Variants in EIF4G3 observed in about 807,000 individuals in gnomAD.
EIF4G3 encodes the protein eukaryotic translation initiation factor 4 gamma 3.
EIF4G3 carries 34 observed loss-of-function variants against 186.4 expected under a neutral mutation model. That is an observed-to-expected ratio of 0.18 (90% CI 0.14 to 0.24). The LOEUF (loss-of-function observed/expected upper bound fraction) is 0.24, where lower values mean the gene tolerates loss of function less well. Among genes scored for constraint, EIF4G3 ranks in the 10% least tolerant of loss-of-function variants. The probability of loss-of-function intolerance (pLI) is 1.00; values close to 1 mark genes in which losing one functional copy is unlikely to be tolerated. For synonymous variants in EIF4G3, 673 were observed against 679.5 expected, an observed-to-expected ratio of 0.99 and a Z score of 0.15; for missense variants, 1,536 against 1,948.5, an observed-to-expected ratio of 0.79 and a Z score of 3.99.
chr1:21,102,144 T>A (rs1459987889), intron 2 of EIF4G3, among the ~76,000 whole-genome samples: 1 of 151,954 alleles, frequency 6.6e-6, no homozygotes, highest in Non-Finnish European at 1.5e-5. Context: ...AAAAAGGAAA[T>A]AGTTTTAAAA....
intron 4 of EIF4G3, among the ~76,000 whole-genome samples, chr1:21,009,378 C>A (rs1011431294): frequency 6.6e-6 from 1 of 152,022 alleles, no homozygotes; most frequent in African/African-American, 2.4e-5. Flanking sequence ...TAGGGTCTTG[C>A]CAATGTTGCC....
intron 14 of EIF4G3, chr1:20,929,612 T>C (rs1172522400): frequency 6.6e-6 from 1 of 152,228 alleles, no homozygotes; most frequent in Non-Finnish European, 1.5e-5. Context: ...GAATTATCAA[T>C]ATTATTTAAC....
intron 3 of EIF4G3, among the ~76,000 whole-genome samples, chr1:21,082,689 G>C (rs1557871662): frequency 6.6e-6 from 1 of 152,076 alleles, no homozygotes. Context: ...ATCAATTGAA[G>C]CCAGGAGTTT....
In EIF4G3 at chr1:20,829,147, A is replaced by G. The variant is rs1385375031; in HGVS notation, c.4187T>C (p.Ile1396Thr). The G allele has an allele frequency of 1.9e-6, 3 of 1,613,052 alleles. No individual in the cohort carries two copies. Among genetic ancestry groups the G allele is most frequent in the Admixed American group, 1.7e-5 (1 of 59,834 alleles). Residue 1396 changes from isoleucine (I) to threonine (T), a missense_variant and splice_region_variant, in exon 31 of 37, where the codon ATA becomes ACA. Transcript: ENST00000602326. Reference sequence around the variant, plus strand: ...ATCAAGAGAAACAAGTATAACTTACATGGTAAGTTCTCTCATGGAGATTCC... The same window carrying G: ...ATCAAGAGAAACAAGTATAACTTACGTGGTAAGTTCTCTCATGGAGATTCC... ...EGGISMRELT[I>T]EFSKPLLPVG...
At chr1:21,176,153 G>A in intron 2 of EIF4G3, 22 bp downstream of exon 2, 1 of 386,240 alleles carries the variant, frequency 2.6e-6, no homozygotes, top group Admixed American at 4.6e-5. Flanking sequence ...CCGAAGGGCC[G>A]ACAGGAAGGT....
At chr1:21,147,321 G>T (rs939628246) in intron 2 of EIF4G3, among the ~76,000 whole-genome samples, 1 of 151,938 alleles carries the variant, frequency 6.6e-6, no homozygotes, top group Non-Finnish European at 1.5e-5. Flanking sequence ...GCACTGTTTT[G>T]CTAAGTTTGT....
chr1:20,830,081 T>C lies in EIF4G3; in HGVS notation c.4062-809A>G, dbSNP rs551892330. 1.8e-4 allele frequency among the ~76,000 whole-genome samples: 28 copies of C among 152,290 alleles called. No individual in the cohort carries two copies. In the South Asian group the frequency reaches 5.8e-3, roughly 32 times the overall value. On this transcript the variant is annotated intron_variant, in intron 30 of 36. Coordinates refer to ENST00000602326, the MANE Select transcript of EIF4G3 (RefSeq NM_001391906.1). ...CAAATGAATTTAACTACAGGAGACA[T>C]ACACATAATTGCAAGTCATAAGGAA... is the stretch of plus-strand genomic sequence containing the variant.
chr1:20,989,338 C>T (rs2080444926), intron 7 of EIF4G3, among the ~76,000 whole-genome samples: 1 of 150,796 alleles, frequency 6.6e-6, no homozygotes, highest in African/African-American at 2.4e-5. Flanking sequence ...GGTGGATCAC[C>T]TGAGGTCCCG....
At chr1:21,079,184 A>T (rs1300949122) in intron 3 of EIF4G3, among the ~76,000 whole-genome samples, 1 of 152,178 alleles carries the variant, frequency 6.6e-6, no homozygotes, top group Admixed American at 6.5e-5. Context: ...TGCCTAAAGA[A>T]TATTGATCAA....
intron 2 of EIF4G3, among the ~76,000 whole-genome samples, chr1:21,126,365 T>C (rs1219714058): frequency 6.6e-6 from 1 of 152,072 alleles, no homozygotes; most frequent in Non-Finnish European, 1.5e-5. Flanking sequence ...GTATTGATTC[T>C]TAAGCTTAAG....
At chr1:20,860,270 C>A in intron 24 of EIF4G3, 115 bp downstream of exon 24, 1 of 1,398,740 alleles carries the variant, frequency 7.1e-7, no homozygotes, top group Non-Finnish European at 9.8e-7. Context: ...TAACAATCAC[C>A]ACTCTATTCT....
At chr1:20,947,505 T>C (rs779786672) in intron 13 of EIF4G3, among the ~76,000 whole-genome samples, 8 of 147,180 alleles carry the variant, frequency 5.4e-5, no homozygotes, top group Non-Finnish European at 8.9e-5. Context: ...TGGAAGAAAT[T>C]AGAAATGTTA....
intron 30 of EIF4G3, among the ~76,000 whole-genome samples, chr1:20,830,609 G>C (rs1034862305): frequency 3.3e-5 from 5 of 152,260 alleles, no homozygotes; most frequent in Middle Eastern, 6.8e-3. Context: ...GCTGTTTAAT[G>C]GGCCCAAGAG....
At chr1:21,048,934 A>G (rs956642208) in intron 4 of EIF4G3, among the ~76,000 whole-genome samples, 2 of 152,180 alleles carry the variant, frequency 1.3e-5, no homozygotes, top group Non-Finnish European at 2.9e-5. Context: ...GTGCCACCTT[A>G]ACCGACTACA....
chr1:21,068,700 C>G (rs992078028), intron 3 of EIF4G3, among the ~76,000 whole-genome samples: 2 of 152,106 alleles, frequency 1.3e-5, no homozygotes, highest in Non-Finnish European at 2.9e-5. Context: ...CTACCTCATA[C>G]AGTTGTCATA....
At chr1:20,881,847 C>T (rs2082411502) in intron 19 of EIF4G3, among the ~76,000 whole-genome samples, 1 of 151,276 alleles carries the variant, frequency 6.6e-6, no homozygotes, top group African/African-American at 2.4e-5. Flanking sequence ...AAAACAACTG[C>T]TCTGTGAAAG....
chr1:20,986,761 A>G (rs943375607), intron 7 of EIF4G3, among the ~76,000 whole-genome samples: 3 of 143,424 alleles, frequency 2.1e-5, no homozygotes, highest in African/African-American at 5.0e-5. Context: ...AAAAAAAAAA[A>G]AAAAAAAAAA....
chr1:21,141,863 C>T (rs2097345801), intron 2 of EIF4G3, among the ~76,000 whole-genome samples: 2 of 151,284 alleles, frequency 1.3e-5, no homozygotes, highest in South Asian at 2.1e-4. Flanking sequence ...CCTGGGAAAT[C>T]GACGCTGCAG....
intron 34 of EIF4G3, among the ~76,000 whole-genome samples, chr1:20,815,418 C>A (rs1415527044): frequency 6.9e-6 from 1 of 145,642 alleles, no homozygotes; most frequent in African/African-American, 2.5e-5. Flanking sequence ...GAGTGGGGAG[C>A]GCCTCTGCCC....
Sources: allele counts gnomAD v4.1 joint callset (sites outside exome capture counted in the v4.1 genomes callset), GRCh38; gene constraint gnomAD v4.1.1; transcripts MANE v1.5; gene names NCBI Gene and HGNC (gene_info 2026-07-23, HGNC 2026-07-21).